Variants in SPMIP6 observed in about 807,000 individuals in gnomAD.
The protein encoded by SPMIP6 is ciliated bronchial epithelial protein 1.
At chr9:34,379,579 C>T in the SPMIP6 span, 16 of 1,405,086 alleles carry the variant, frequency 1.1e-5, no homozygotes, top group Non-Finnish European at 1.6e-5. The surrounding 1 kb of genome is among the most constrained non-coding windows in gnomAD (Gnocchi z 4.2). Flanking sequence ...CAGACATCCT[C>T]CCCCAGCCCC....
At chr9:34,380,816 G>A in the SPMIP6 span, 1 of 1,522,748 alleles carries the variant, frequency 6.6e-7, no homozygotes, top group Admixed American at 2.1e-5. Context: ...ACGGAAGCTG[G>A]CCGGGCTGGA....
chr9:34,385,731 C>G, the SPMIP6 span: 8 of 1,613,664 alleles, frequency 5.0e-6, no homozygotes, highest in African/African-American at 1.1e-4. Flanking sequence ...ATTTGGCCAT[C>G]TTCTGCAGGG....
the SPMIP6 span, chr9:34,381,060 A>C: frequency 6.2e-7 from 1 of 1,611,924 alleles, no homozygotes; most frequent in Non-Finnish European, 8.5e-7. The surrounding 1 kb of genome is among the most constrained non-coding windows in gnomAD (Gnocchi z 4.4). Context: ...ACGCACCCGC[A>C]TCGGGGCGTG....
the SPMIP6 span, among the ~76,000 whole-genome samples, chr9:34,391,233 G>A: frequency 0.55 from 82,918 of 151,888 alleles, 23,120 homozygotes; most frequent in Non-Finnish European, 0.61. Flanking sequence ...TGTTCAGAAC[G>A]TTCTCTTACT....
the SPMIP6 span, among the ~76,000 whole-genome samples, chr9:34,385,263 G>A: frequency 6.6e-6 from 1 of 152,116 alleles, no homozygotes. Flanking sequence ...TGGGCATGGT[G>A]GCTCAGGCCT....
chr9:34,380,948 G>A, the SPMIP6 span: 3 of 1,603,450 alleles, frequency 1.9e-6, no homozygotes, highest in South Asian at 2.2e-5. Flanking sequence ...GTCGGTGCAG[G>A]GCGCCCCGCT....
chr9:34,385,768 G>A, the SPMIP6 span: 1 of 1,613,474 alleles, frequency 6.2e-7, no homozygotes, highest in East Asian at 2.2e-5. Context: ...TCGCTCCATG[G>A]TATGAGTCAG....
chr9:34,396,051 A>G, the SPMIP6 span, among the ~76,000 whole-genome samples: 1 of 152,252 alleles, frequency 6.6e-6, no homozygotes, highest in African/African-American at 2.4e-5. Context: ...GGAAATGTGT[A>G]CAAAGATACA....
At chr9:34,382,741 G>C in the SPMIP6 span, 66 of 1,582,614 alleles carry the variant, frequency 4.2e-5, no homozygotes, top group Non-Finnish European at 5.6e-5. Context: ...TCTGTGCTGG[G>C]TGCAACAGAT....
chr9:34,382,316 G>A, the SPMIP6 span, among the ~76,000 whole-genome samples: 2 of 152,236 alleles, frequency 1.3e-5, no homozygotes, highest in Non-Finnish European at 2.9e-5. Flanking sequence ...AGGTGCAGTG[G>A]CTCATGCCGG....
the SPMIP6 span, among the ~76,000 whole-genome samples, chr9:34,395,153 G>A: frequency 1.3e-5 from 2 of 152,068 alleles, no homozygotes; most frequent in Non-Finnish European, 2.9e-5. Context: ...GGTAGAGACA[G>A]GATTTCACCA....
chr9:34,387,232 C>A, the SPMIP6 span, among the ~76,000 whole-genome samples: 1 of 152,018 alleles, frequency 6.6e-6, no homozygotes, highest in Admixed American at 6.6e-5. Context: ...AACTCCTGGA[C>A]TCAAGGGATC....
At chr9:34,380,905 C>A in the SPMIP6 span, 4 of 1,575,464 alleles carry the variant, frequency 2.5e-6, no homozygotes, top group Non-Finnish European at 3.4e-6. Flanking sequence ...ACCTTACAGT[C>A]GGTTGCTCCC....
At chr9:34,386,383 C>G in the SPMIP6 span, among the ~76,000 whole-genome samples, 1 of 152,086 alleles carries the variant, frequency 6.6e-6, no homozygotes, top group South Asian at 2.1e-4. Context: ...ATCACGAGAT[C>G]AAGAGATGGA....
the SPMIP6 span, chr9:34,382,931 A>C: frequency 1.9e-6 from 2 of 1,076,722 alleles, no homozygotes; most frequent in Non-Finnish European, 2.9e-6. Flanking sequence ...AGGATCTGAG[A>C]TCCCCTACAT....
the SPMIP6 span, among the ~76,000 whole-genome samples, chr9:34,379,465 CTT>C: frequency 1.3e-4 from 20 of 152,346 alleles, no homozygotes; most frequent in Middle Eastern, 3.4e-3. This position sits in a 1 kb window ranked among gnomAD's most constrained non-coding sequence, Gnocchi z 4.2. Context: ...CTAGCCCTCT[CTT>C]AAGGTCCTCT....
chr9:34,388,933 T>TTTC, the SPMIP6 span, among the ~76,000 whole-genome samples: 130 of 55,726 alleles, frequency 2.3e-3, no homozygotes, highest in East Asian at 0.063. Context: ...TCTCTCTTTC[T>TTTC]TTTTTTTTTT....
the SPMIP6 span, chr9:34,385,599 G>A: frequency 2.5e-5 from 40 of 1,591,962 alleles, no homozygotes; most frequent in Non-Finnish European, 3.1e-5. Flanking sequence ...GTTCAGGTTG[G>A]GGGTCATTTT....
At chr9:34,393,192 T>C in the SPMIP6 span, among the ~76,000 whole-genome samples, 3 of 152,250 alleles carry the variant, frequency 2.0e-5, no homozygotes, top group Non-Finnish European at 2.9e-5. Context: ...AACACCTAAC[T>C]CTGTCCTGTT....
Sources: gnomAD v4.1 joint callset for allele counts (sites outside exome capture counted in the v4.1 genomes callset) on GRCh38, gnomAD v4.1.1 for gene constraint, Gnocchi (gnomAD v3.1) non-coding constraint, MANE v1.5 for transcripts, NCBI Gene and HGNC (gene_info 2026-07-23, HGNC 2026-07-21) for gene names.